NUP133: variants seen among roughly 807,000 people sequenced by gnomAD.
The protein encoded by NUP133 is nuclear pore complex protein Nup133.
A neutral mutation model predicts 146.2 loss-of-function variants in NUP133; 66 were observed. The observed-to-expected ratio is 0.45, with a 90% CI of 0.37 to 0.55. NUP133 has a LOEUF of 0.55. Among genes scored for constraint, NUP133 ranks in the 20% least tolerant of loss-of-function variants. The pLI is 0.00. For missense variants in NUP133, 1,277 were observed against 1,374.8 expected, an observed-to-expected ratio of 0.93 and a Z score of 1.12; for synonymous variants, 521 against 498.8, an observed-to-expected ratio of 1.04 and a Z score of -0.59.
At chr1:229,453,412 C>CTGCTG (rs1571908298) in intron 21 of NUP133, among the ~76,000 whole-genome samples, 1 of 152,000 alleles carries the variant, frequency 6.6e-6, no homozygotes, top group African/African-American at 2.4e-5. Flanking sequence ...TCTAGCATCA[C>CTGCTG]CTAGTGGCAC....
At chr1:229,484,321 C>T (rs577030592) in intron 11 of NUP133, among the ~76,000 whole-genome samples, 176 bp from the exon 12 acceptor site, 121 of 152,044 alleles carry the variant, frequency 8.0e-4, no homozygotes, top group African/African-American at 2.8e-3. Flanking sequence ...CTGGAAGAAT[C>T]GTCTTGGCCC....
At chr1:229,471,959 A>G (rs1267503671) in intron 14 of NUP133, among the ~76,000 whole-genome samples, 3 of 152,272 alleles carry the variant, frequency 2.0e-5, no homozygotes, top group South Asian at 2.1e-4. Context: ...TCACCTTATT[A>G]TTTTAAAATA....
At chr1:229,485,618 G>C (rs915235544) in intron 11 of NUP133, among the ~76,000 whole-genome samples, 1 of 152,138 alleles carries the variant, frequency 6.6e-6, no homozygotes, top group Non-Finnish European at 1.5e-5. Context: ...AGAGGAAGGA[G>C]TATAAGGTAA....
chr1:229,467,398 G>A (rs1189698427), intron 15 of NUP133, among the ~76,000 whole-genome samples: 1 of 152,170 alleles, frequency 6.6e-6, no homozygotes, highest in Non-Finnish European at 1.5e-5. Context: ...TAAGAGGAAA[G>A]AAAAATCAGA....
chr1:229,502,115 A>T lies in NUP133; in HGVS notation c.302-13T>A. 1 of 1,585,696 alleles carries T rather than the reference A, an allele frequency of 6.3e-7. No homozygotes were observed. Among genetic ancestry groups the T allele is most frequent in the Non-Finnish European group, 8.7e-7 (1 of 1,154,678 alleles). On this transcript the variant is annotated splice_polypyrimidine_tract_variant and intron_variant, in intron 2 of 25. Coordinates refer to ENST00000261396, the MANE Select transcript of NUP133 (RefSeq NM_018230.3). The stretch of plus-strand genomic sequence containing the variant: ...AGCTGGTCATCGACTAAAGGAAAAA[A>T]TGAGGTGGGTGATTAATCTTATAGT...
chr1:229,507,882 A>G (rs1306701149), intron 1 of NUP133, 186 bp downstream of exon 1: 2 of 978,604 alleles, frequency 2.0e-6, no homozygotes, highest in African/African-American at 1.8e-5. Flanking sequence ...TGGGGAATCA[A>G]CTGATCAACT....
rs759548774 is a variant in NUP133 at position 229,475,953 on chromosome 1, CA to C, written c.1757-222del. ...TGAAACCCGATCTCTACTAAAAATACAAAAATTAGCTGAGCGTGGTGGCGCA... is the reference window on the plus strand; with the variant it reads ...TGAAACCCGATCTCTACTAAAAATACAAAATTAGCTGAGCGTGGTGGCGCA... On this transcript the variant is annotated intron_variant, in intron 13 of 25. Transcript: ENST00000261396. Among the ~76,000 whole-genome samples, 11 of 151,900 alleles carry C rather than the reference CA, an allele frequency of 7.2e-5. No homozygotes were observed. In the South Asian group the frequency reaches 8.3e-4, roughly 11 times the overall value.
At chr1:229,447,963 A>C (rs1244646278) in intron 24 of NUP133, among the ~76,000 whole-genome samples, 1 of 152,174 alleles carries the variant, frequency 6.6e-6, no homozygotes, top group East Asian at 1.9e-4. Context: ...TAAAGAAGCC[A>C]GCCAAAACCC....
intron 1 of NUP133, among the ~76,000 whole-genome samples, chr1:229,507,492 A>G (rs938402775): frequency 6.6e-5 from 10 of 152,126 alleles, no homozygotes; most frequent in African/African-American, 2.2e-4. Context: ...CAGTTTTAGT[A>G]ACTAAACTAT....
At chr1:229,469,447 G>A (rs1211505833) in intron 15 of NUP133, among the ~76,000 whole-genome samples, 2 of 152,206 alleles carry the variant, frequency 1.3e-5, no homozygotes, top group Non-Finnish European at 2.9e-5. Context: ...CTACAAGCAA[G>A]GTGTAGCAAC....
chr1:229,458,021 TG>T, intron 21 of NUP133, 139 bp downstream of exon 21: 1 of 772,554 alleles, frequency 1.3e-6, no homozygotes. Context: ...TAACTACACA[TG>T]GACATTAACT....
intron 21 of NUP133, among the ~76,000 whole-genome samples, chr1:229,454,195 T>A (rs927057710): frequency 2.0e-5 from 3 of 152,014 alleles, no homozygotes; most frequent in African/African-American, 7.3e-5. Context: ...TTGGATGAGG[T>A]AACAGGGGCT....
At chr1:229,502,653 C>T (rs1163147011) in intron 2 of NUP133, among the ~76,000 whole-genome samples, 1 of 149,290 alleles carries the variant, frequency 6.7e-6, no homozygotes, top group Non-Finnish European at 1.5e-5. Context: ...TTTTTTGTTA[C>T]AAACAGACCA....
intron 19 of NUP133, among the ~76,000 whole-genome samples, chr1:229,461,371 C>T (rs1055282169): frequency 1.2e-4 from 19 of 152,300 alleles, no homozygotes; most frequent in African/African-American, 3.9e-4. Context: ...AGACGTTCTA[C>T]AGTCTCACAG....
At chr1:229,456,281 G>A (rs982311800) in intron 21 of NUP133, among the ~76,000 whole-genome samples, 1 of 152,118 alleles carries the variant, frequency 6.6e-6, no homozygotes, top group African/African-American at 2.4e-5. Context: ...AAACTCAATG[G>A]TCTCAGCATC....
At chr1:229,480,807 C>T (rs989022147) in intron 12 of NUP133, among the ~76,000 whole-genome samples, 16 of 151,602 alleles carry the variant, frequency 1.1e-4, no homozygotes, top group African/African-American at 3.9e-4. Context: ...CTGCCTCAGT[C>T]TCCTGAGTAG....
At chr1:229,460,396 TGA>T (rs1660666804) in intron 20 of NUP133, among the ~76,000 whole-genome samples, 2 of 152,064 alleles carry the variant, frequency 1.3e-5, no homozygotes, top group South Asian at 4.1e-4. Context: ...AGGCTGGTCT[TGA>T]ACTCCTGCAC....
chr1:229,448,652 T>A (rs1558088013), intron 24 of NUP133: 1 of 169,942 alleles, frequency 5.9e-6, no homozygotes, highest in Non-Finnish European at 1.3e-5. Flanking sequence ...TTCACTTTAC[T>A]CTGTGGACTT....
chr1:229,459,361 A>T (rs1660642580), intron 20 of NUP133, among the ~76,000 whole-genome samples: 1 of 152,198 alleles, frequency 6.6e-6, no homozygotes, highest in African/African-American at 2.4e-5. Context: ...TGTCTCTAAA[A>T]AAACAAAAAT....
Sources: gnomAD v4.1 joint callset for allele counts (sites outside exome capture counted in the v4.1 genomes callset) on GRCh38, gnomAD v4.1.1 for gene constraint, MANE v1.5 for transcripts, NCBI Gene and HGNC (gene_info 2026-07-23, HGNC 2026-07-21) for gene names.